SNCAIP: variants seen among roughly 807,000 people sequenced by gnomAD.
SNCAIP encodes synphilin-1.
Under a neutral mutation model 86.7 loss-of-function variants are expected in SNCAIP, and 43 were observed. That is an observed-to-expected ratio of 0.50 (90% CI 0.39 to 0.64). The LOEUF is 0.64. SNCAIP is among the 30% of genes least tolerant of loss of function. SNCAIP has a pLI of 0.00. For synonymous variants in SNCAIP, 417 were observed against 427.2 expected, an observed-to-expected ratio of 0.98 and a Z score of 0.29; for missense variants, 981 against 1,103.1, an observed-to-expected ratio of 0.89 and a Z score of 1.57.
At chr5:122,450,373 A>G (rs1346820522) in intron 9 of SNCAIP, among the ~76,000 whole-genome samples, 160 bp from the exon 10 acceptor site, 5 of 152,212 alleles carry the variant, frequency 3.3e-5, no homozygotes, top group East Asian at 1.9e-4. Context: ...AGCTGATACT[A>G]TGGAGTATTT....
At chr5:122,402,532 C>T (rs930677828) in intron 2 of SNCAIP, among the ~76,000 whole-genome samples, 5 of 152,094 alleles carry the variant, frequency 3.3e-5, no homozygotes, top group Admixed American at 6.6e-5. Context: ...CTTGGAAATA[C>T]TGGAAATTTA....
chr5:122,461,632 A>T (rs1192868685), intron 10 of SNCAIP, among the ~76,000 whole-genome samples: 1 of 146,476 alleles, frequency 6.8e-6, no homozygotes, highest in Non-Finnish European at 1.5e-5. Flanking sequence ...TTCCAACATC[A>T]CTTTACTGGT....
chr5:122,380,016 C>G (rs570355688), intron 1 of SNCAIP, among the ~76,000 whole-genome samples: 2 of 151,706 alleles, frequency 1.3e-5, no homozygotes, highest in South Asian at 4.2e-4. Flanking sequence ...TTGGTTGTGT[C>G]TCTGCCCGGC....
chr5:122,355,534 A>G (rs1760819695), intron 1 of SNCAIP, among the ~76,000 whole-genome samples: 2 of 152,244 alleles, frequency 1.3e-5, no homozygotes, highest in African/African-American at 2.4e-5. Flanking sequence ...CCACCTTCCC[A>G]TAAACTCAAC....
chr5:122,340,993 T>G (rs10052236), intron 1 of SNCAIP, among the ~76,000 whole-genome samples: 15,020 of 152,258 alleles, frequency 0.099, 1,027 homozygotes, highest in Non-Finnish European at 0.15. Flanking sequence ...CAAGTGATCA[T>G]GGACTAAGAG....
At chr5:122,349,178 T>C (rs545489918) in intron 1 of SNCAIP, among the ~76,000 whole-genome samples, 1 of 152,274 alleles carries the variant, frequency 6.6e-6, no homozygotes, top group East Asian at 1.9e-4. Flanking sequence ...CACAAATTAT[T>C]TATTTGCGTC....
intron 5 of SNCAIP, 77 bp from the exon 6 acceptor site, chr5:122,431,892 G>A (rs1393419490): frequency 2.6e-6 from 2 of 760,982 alleles, no homozygotes; most frequent in Non-Finnish European, 4.8e-6. Context: ...TTTCCTTGGT[G>A]AAATTACCAT....
intron 1 of SNCAIP, among the ~76,000 whole-genome samples, chr5:122,366,143 G>T (rs1040204910): frequency 6.6e-6 from 1 of 152,116 alleles, no homozygotes; most frequent in African/African-American, 2.4e-5. Context: ...AAAGAGCTGA[G>T]CCACCAAACT....
At chr5:122,409,578 A>T (rs1441623726) in intron 3 of SNCAIP, among the ~76,000 whole-genome samples, 1 of 152,230 alleles carries the variant, frequency 6.6e-6, no homozygotes, top group African/African-American at 2.4e-5. Context: ...TTGTATGACA[A>T]TGAGTAAGGA....
chr5:122,314,574 A>G (rs953966071), intron 1 of SNCAIP, among the ~76,000 whole-genome samples: 6 of 152,192 alleles, frequency 3.9e-5, no homozygotes, highest in South Asian at 4.1e-4. Flanking sequence ...TTACCCTTAT[A>G]TACTTATTTT....
Position 122,423,337 on chromosome 5 carries a change from A to G in SNCAIP, c.600A>G (p.Ser200=). The change falls in exon 4 of 11, where the codon TCA becomes TCG. Residue 200 remains serine, a synonymous_variant. Coordinates refer to ENST00000261368, the MANE Select transcript of SNCAIP (RefSeq NM_005460.4). ...GCTCTACAGGAAGTTCTGAGAGCTCATCATCCAACATGGCACCATTTTGTG... is the reference window on the plus strand; with the variant it reads ...GCTCTACAGGAAGTTCTGAGAGCTCGTCATCCAACATGGCACCATTTTGTG... ...KACSTGSSES[S]SSNMAPFCVL... is the part of the protein sequence containing the mutation. 1.2e-6 allele frequency: 2 copies of G among 1,614,110 alleles called. No homozygotes were observed. The highest frequency in any genetic ancestry group is 1.7e-6 in the Non-Finnish European group (2 of 1,179,980).
intron 1 of SNCAIP, among the ~76,000 whole-genome samples, chr5:122,326,570 A>G (rs1434564022): frequency 7.3e-6 from 1 of 136,462 alleles, no homozygotes; most frequent in African/African-American, 2.8e-5. Flanking sequence ...GTATTCTCTT[A>G]TAGAATAGAG....
chr5:122,357,263 T>G (rs1180455335), intron 1 of SNCAIP, among the ~76,000 whole-genome samples: 2 of 152,086 alleles, frequency 1.3e-5, no homozygotes, highest in Non-Finnish European at 2.9e-5. Flanking sequence ...CAAGACAGAG[T>G]CTTGCTCTGT....
chr5:122,417,824 G>A, intron 3 of SNCAIP, among the ~76,000 whole-genome samples: 1 of 152,132 alleles, frequency 6.6e-6, no homozygotes, highest in Non-Finnish European at 1.5e-5. Flanking sequence ...ACAAAGGGCT[G>A]GTTATAAACA....
intron 2 of SNCAIP, among the ~76,000 whole-genome samples, chr5:122,394,777 G>T (rs1033777075): frequency 3.5e-4 from 53 of 152,194 alleles, no homozygotes; most frequent in African/African-American, 1.2e-3. Context: ...ATCTCCTGAG[G>T]AGCTCACTCA....
Position 122,423,732 on chromosome 5 carries a change from C to T in SNCAIP, c.995C>T (p.Ser332Phe). ...ILNIVKEGQI[S>F]LLPHLAADNL... ...AACATTGTTAAAGAAGGACAGATCT[C>T]TCTCCTGGTAAGTATAATCTAGTTC... Residue 332 changes from serine (S) to phenylalanine (F), a missense_variant, in exon 4 of 11, where the codon TCT becomes TTT. Ser to Phe is a radical substitution (Grantham distance 155). Transcript: ENST00000261368. 1 of 1,600,350 alleles carries T rather than the reference C, an allele frequency of 6.2e-7. No individual in the cohort carries two copies. Among genetic ancestry groups the T allele is most frequent in the Non-Finnish European group, 8.5e-7 (1 of 1,179,606 alleles).
intron 8 of SNCAIP, among the ~76,000 whole-genome samples, chr5:122,448,084 C>T (rs906111689): frequency 6.6e-6 from 1 of 152,152 alleles, no homozygotes; most frequent in African/African-American, 2.4e-5. Flanking sequence ...GATCCGATCT[C>T]ACATAATTAG....
intron 5 of SNCAIP, among the ~76,000 whole-genome samples, chr5:122,427,558 C>T (rs961479852): frequency 6.6e-6 from 1 of 152,154 alleles, no homozygotes. Flanking sequence ...GTGCTTCCCT[C>T]TTTAGAAATC....
intron 1 of SNCAIP, among the ~76,000 whole-genome samples, chr5:122,335,706 C>G (rs1280713176): frequency 6.6e-6 from 1 of 152,188 alleles, no homozygotes; most frequent in Non-Finnish European, 1.5e-5. Context: ...AAAGCCTCAG[C>G]CAACCCATGG....
Sources: gnomAD v4.1 joint callset for allele counts (sites outside exome capture counted in the v4.1 genomes callset) on GRCh38, gnomAD v4.1.1 for gene constraint, MANE v1.5 for transcripts, NCBI Gene and HGNC (gene_info 2026-07-23, HGNC 2026-07-21) for gene names.